Variants in CFAP70 observed in about 807,000 individuals in gnomAD.
CFAP70 encodes the protein cilia and flagella associated protein 70, also known as cilia- and flagella-associated protein 70.
CFAP70 carries 81 observed loss-of-function variants against 137.6 expected under a neutral mutation model. The observed-to-expected ratio is 0.59, with a 90% CI of 0.49 to 0.71. The LOEUF (loss-of-function observed/expected upper bound fraction) is 0.71. Among genes scored for constraint, CFAP70 ranks in the 30% least tolerant of loss-of-function variants. The pLI is 0.00. For missense variants in CFAP70, 976 were observed against 1,226.7 expected (o/e 0.80, Z 3.05); for synonymous variants, 382 against 423.6 (o/e 0.90, Z 1.20).
chr10:73,327,451 C>T (rs1354739448), intron 8 of CFAP70, among the ~76,000 whole-genome samples: 3 of 151,636 alleles, frequency 2.0e-5, no homozygotes, highest in Admixed American at 6.6e-5. Context: ...CCTCTCTCAC[C>T]ACTCCTCTTC....
intron 25 of CFAP70, among the ~76,000 whole-genome samples, chr10:73,259,385 T>G (rs560705863): frequency 6.6e-6 from 1 of 152,328 alleles, no homozygotes; most frequent in South Asian, 2.1e-4. Flanking sequence ...GAGCTTCTTC[T>G]CATACATGTA....
Position 73,354,716 on chromosome 10 carries a change from T to C in CFAP70, c.63+18A>G, listed in dbSNP as rs116006747. On this transcript the variant is annotated intron_variant, in intron 2 of 26. Coordinates refer to ENST00000310715, the Ensembl canonical transcript of CFAP70. ...TCCCAAACTAAGGATTTTTGTAAATTTCCAAAAGTAACTTTACCAAATCAT... is the reference window on the plus strand; with the variant it reads ...TCCCAAACTAAGGATTTTTGTAAATCTCCAAAAGTAACTTTACCAAATCAT... 548 of 1,612,588 alleles carry C rather than the reference T, an allele frequency of 3.4e-4. 4 individuals are homozygous for C. In the African/African-American group the frequency reaches 6.4e-3, roughly 19 times the overall value.
At position 73,275,603 on chromosome 10, in the gene CFAP70, A is replaced by G. The variant is rs751749928; in HGVS notation, c.2521-5T>C. 41 of 1,553,006 alleles carry G rather than the reference A, an allele frequency of 2.6e-5. No individual in the cohort carries two copies. Among genetic ancestry groups the G allele is most frequent in the Non-Finnish European group, 3.4e-5 (39 of 1,153,862 alleles). ...TGCAAGCACTCTGTGCACATACTGCAAGGATAATCAGATTATAAGCAACAT... is the reference window on the plus strand; with the variant it reads ...TGCAAGCACTCTGTGCACATACTGCGAGGATAATCAGATTATAAGCAACAT... On this transcript the variant is annotated splice_polypyrimidine_tract_variant and splice_region_variant and intron_variant, in intron 21 of 26. Coordinates refer to ENST00000310715, the Ensembl canonical transcript of CFAP70. This position sits in a 1 kb window ranked among gnomAD's most constrained non-coding sequence, Gnocchi z 4.0.
chr10:73,325,859 G>T (rs563811257), intron 8 of CFAP70, among the ~76,000 whole-genome samples: 1 of 152,094 alleles, frequency 6.6e-6, no homozygotes, highest in South Asian at 2.1e-4. Context: ...GACCTACAAA[G>T]AGACTTAGAC....
intron 9 of CFAP70, among the ~76,000 whole-genome samples, chr10:73,316,512 A>G (rs1016935076): frequency 6.9e-6 from 1 of 143,892 alleles, no homozygotes; most frequent in Non-Finnish European, 1.5e-5. Flanking sequence ...ATATATATAT[A>G]TGACGTACAC....
intron 19 of CFAP70, among the ~76,000 whole-genome samples, chr10:73,284,040 C>T (rs1241430746): frequency 2.0e-5 from 3 of 152,172 alleles, no homozygotes; most frequent in Non-Finnish European, 4.4e-5. Context: ...CTTAAAACAA[C>T]ACAAACATAT....
chr10:73,289,934 A>AG (rs1284195587), intron 19 of CFAP70, among the ~76,000 whole-genome samples: 2 of 151,710 alleles, frequency 1.3e-5, no homozygotes, highest in Admixed American at 1.3e-4. Context: ...AGCTCCAGCT[A>AG]CTTGGAAGGC....
chr10:73,282,305 A>G (rs2047315180), intron 19 of CFAP70, among the ~76,000 whole-genome samples: 1 of 152,206 alleles, frequency 6.6e-6, no homozygotes, highest in African/African-American at 2.4e-5. Flanking sequence ...CTCATGTCAC[A>G]CAGCTGCAAG....
intron 5 of CFAP70, 121 bp from the exon 7 acceptor site, chr10:73,341,702 T>A: frequency 1.2e-6 from 1 of 821,048 alleles, no homozygotes; most frequent in Non-Finnish European, 1.9e-6. Flanking sequence ...CCTCTACGAT[T>A]AATCTGATTC....
chr10:73,303,860 G>T (rs1009335385), intron 12 of CFAP70, among the ~76,000 whole-genome samples: 1 of 152,142 alleles, frequency 6.6e-6, no homozygotes, highest in African/African-American at 2.4e-5. Flanking sequence ...AGGAATAAAT[G>T]TGGTCTCTTT....
intron 24 of CFAP70, among the ~76,000 whole-genome samples, chr10:73,271,036 C>T (rs2046265019): frequency 6.6e-6 from 1 of 152,114 alleles, no homozygotes; most frequent in African/African-American, 2.4e-5. Flanking sequence ...AATAAAATCC[C>T]GTAGTCCCAG....
At chr10:73,355,868 C>T (rs1299150439) in intron 1 of CFAP70, among the ~76,000 whole-genome samples, 1 of 152,078 alleles carries the variant, frequency 6.6e-6, no homozygotes, top group Non-Finnish European at 1.5e-5. Context: ...CCCCGCTGCC[C>T]CCAGTCTGTG....
chr10:73,317,003 G>T (rs925172580), intron 9 of CFAP70, among the ~76,000 whole-genome samples: 2 of 152,038 alleles, frequency 1.3e-5, no homozygotes, highest in Admixed American at 6.6e-5. Context: ...TTTATCTGGG[G>T]ATGTCTTTAT....
chr10:73,261,755 C>T (rs907879971), intron 25 of CFAP70, among the ~76,000 whole-genome samples: 2 of 151,968 alleles, frequency 1.3e-5, no homozygotes, highest in Admixed American at 6.6e-5. Context: ...GATTTGCCTG[C>T]TCGAGCCTCC....
intron 4 of CFAP70, chr10:73,347,179 G>A (rs1407951388): frequency 6.6e-6 from 1 of 152,178 alleles, no homozygotes; most frequent in Non-Finnish European, 1.5e-5. Flanking sequence ...AGATGAGGTT[G>A]AAGGGGGAGG....
chr10:73,306,030 G>A (rs754747639), intron 12 of CFAP70, among the ~76,000 whole-genome samples: 2 of 151,994 alleles, frequency 1.3e-5, no homozygotes, highest in Non-Finnish European at 2.9e-5. Flanking sequence ...GAGCTTAAAA[G>A]TACAATATTT....
At chr10:73,346,349 T>C (rs2053705258) in intron 4 of CFAP70, among the ~76,000 whole-genome samples, 1 of 152,066 alleles carries the variant, frequency 6.6e-6, no homozygotes, top group Non-Finnish European at 1.5e-5. Flanking sequence ...TAAATGTGTA[T>C]TGAGGCTGGG....
At chr10:73,273,075 T>C in intron 23 of CFAP70, 58 bp from the exon 25 acceptor site, 4 of 1,305,134 alleles carry the variant, frequency 3.1e-6, no homozygotes, top group Non-Finnish European at 4.3e-6. Flanking sequence ...CCCATATTGC[T>C]GGGATGATCA....
At chr10:73,340,149 A>G (rs955470082) in intron 6 of CFAP70, among the ~76,000 whole-genome samples, 2 of 152,160 alleles carry the variant, frequency 1.3e-5, no homozygotes, top group South Asian at 4.1e-4. Flanking sequence ...CTCAGAAGAG[A>G]GGAGACCCAC....
Sources: allele counts gnomAD v4.1 joint callset (sites outside exome capture counted in the v4.1 genomes callset), GRCh38; gene constraint gnomAD v4.1.1; non-coding constraint Gnocchi (gnomAD v3.1); transcripts MANE v1.5; gene names NCBI Gene and HGNC (gene_info 2026-07-23, HGNC 2026-07-21).